C10orf90: variants seen among roughly 807,000 people sequenced by gnomAD.
The protein encoded by C10orf90 is (E2-independent) E3 ubiquitin-conjugating enzyme FATS.
C10orf90 carries 56 observed loss-of-function variants against 62.5 expected under a neutral mutation model. That is an observed-to-expected ratio of 0.90 (90% confidence interval 0.72 to 1.12). C10orf90 has a LOEUF of 1.12. C10orf90 is among the 50% of genes most tolerant of loss of function. C10orf90 has a pLI of 0.00. For synonymous variants in C10orf90, 386 were observed against 340.4 expected, an observed-to-expected ratio of 1.13 and a Z score of -1.47; for missense variants, 970 against 880.4, an observed-to-expected ratio of 1.10 and a Z score of -1.29.
At chr10:126,505,906 A>G (rs540003639) in intron 3 of C10orf90, among the ~76,000 whole-genome samples, 1 of 152,316 alleles carries the variant, frequency 6.6e-6, no homozygotes, top group African/African-American at 2.4e-5. Flanking sequence ...GTGAGCCAAG[A>G]TTGTGCCATT....
chr10:126,465,063 G>T, intron 4 of C10orf90, 77 bp from the exon 5 acceptor site: 1 of 1,473,126 alleles, frequency 6.8e-7, no homozygotes. Context: ...CGCACATGGT[G>T]CTTTTCTCGG....
chr10:126,566,499 C>T (rs1024767665), intron 2 of C10orf90, among the ~76,000 whole-genome samples: 1 of 152,164 alleles, frequency 6.6e-6, no homozygotes, highest in African/African-American at 2.4e-5. Context: ...GATACTGGGG[C>T]AGCCTTGCTG....
At chr10:126,488,963 G>T (rs1861576216) in intron 4 of C10orf90, among the ~76,000 whole-genome samples, 1 of 151,988 alleles carries the variant, frequency 6.6e-6, no homozygotes, top group Non-Finnish European at 1.5e-5. Flanking sequence ...ACTTACAGAA[G>T]AAATAGTTCC....
chr10:126,593,673 A>C (rs976151410), intron 2 of C10orf90, among the ~76,000 whole-genome samples: 4 of 152,200 alleles, frequency 2.6e-5, no homozygotes, highest in African/African-American at 9.7e-5. Flanking sequence ...ACAAACCTGC[A>C]CATGTGCCCC....
At chr10:126,549,511 C>T (rs1864579861) in intron 2 of C10orf90, among the ~76,000 whole-genome samples, 1 of 152,164 alleles carries the variant, frequency 6.6e-6, no homozygotes, top group Non-Finnish European at 1.5e-5. Context: ...ATAGTGACAA[C>T]ACCAAATTCT....
intron 7 of C10orf90, among the ~76,000 whole-genome samples, chr10:126,452,654 C>T (rs969926897): frequency 3.3e-5 from 5 of 152,166 alleles, no homozygotes; most frequent in African/African-American, 1.2e-4. Flanking sequence ...AAATCCACTT[C>T]TAATCAATAG....
chr10:126,514,625 T>C (rs1382902958), intron 2 of C10orf90, among the ~76,000 whole-genome samples: 1 of 152,212 alleles, frequency 6.6e-6, no homozygotes, highest in African/African-American at 2.4e-5. Flanking sequence ...CTATTCTGCC[T>C]GAATTCCTCA....
At chr10:126,533,451 C>G (rs1158154658) in intron 2 of C10orf90, among the ~76,000 whole-genome samples, 1 of 152,210 alleles carries the variant, frequency 6.6e-6, no homozygotes, top group Admixed American at 6.5e-5. Flanking sequence ...TCAAGGAAAT[C>G]TGTCTTATCA....
chr10:126,436,157 T>C (rs1036968658), intron 7 of C10orf90, among the ~76,000 whole-genome samples: 1 of 152,154 alleles, frequency 6.6e-6, no homozygotes, highest in African/African-American at 2.4e-5. Context: ...GATCAGAGAC[T>C]CTCAAACTAA....
At chr10:126,569,233 T>G (rs1844456392) in intron 2 of C10orf90, among the ~76,000 whole-genome samples, 1 of 152,194 alleles carries the variant, frequency 6.6e-6, no homozygotes, top group South Asian at 2.1e-4. Context: ...CTATGATTCC[T>G]GAGGGCTCTG....
intron 2 of C10orf90, among the ~76,000 whole-genome samples, chr10:126,539,219 A>G (rs1864317306): frequency 1.3e-5 from 2 of 152,234 alleles, no homozygotes; most frequent in African/African-American, 4.8e-5. Context: ...CATTTGAATT[A>G]GCGCCTTTAG....
intron 4 of C10orf90, among the ~76,000 whole-genome samples, chr10:126,467,586 G>A (rs896221457): frequency 3.9e-5 from 6 of 152,112 alleles, no homozygotes; most frequent in Admixed American, 6.5e-5. Flanking sequence ...TTCACTGGAC[G>A]GGCGCTTAAA....
intron 4 of C10orf90, among the ~76,000 whole-genome samples, chr10:126,490,100 A>ATGT (rs1861679594): frequency 3.1e-5 from 4 of 128,400 alleles, no homozygotes; most frequent in East Asian, 2.0e-4. Flanking sequence ...TATAATATAT[A>ATGT]ATATATATGT....
chr10:126,464,701 G>A lies in C10orf90; in HGVS notation c.1820C>T (p.Pro607Leu). The change falls in exon 5 of 10, where the codon CCC becomes CTC. Residue 607 changes from proline (P) to leucine (L), a missense_variant. Coordinates refer to ENST00000488181, the MANE Select transcript of C10orf90 (RefSeq NM_001350921.2). ...CCACCACCCTCGCTCCTTACCTTTGGGGAACTTGCTTTCTATCTGAACACC... is the reference window on the plus strand; with the variant it reads ...CCACCACCCTCGCTCCTTACCTTTGAGGAACTTGCTTTCTATCTGAACACC... Reference protein sequence around the residue: ...DNGVQIESKFPKGDYTCCDLV... With the variant: ...DNGVQIESKFLKGDYTCCDLV... The A allele has an allele frequency of 6.2e-7, 1 of 1,606,274 alleles. No homozygotes were observed. The highest frequency in any genetic ancestry group is 8.5e-7 in the Non-Finnish European group (1 of 1,174,210).
chr10:126,453,083 G>T lies in C10orf90; in HGVS notation c.2188+5957C>A, dbSNP rs1261611241. Among the ~76,000 whole-genome samples the T allele has an allele frequency of 6.6e-6, 1 of 152,144 alleles. No homozygotes were observed. The highest frequency in any genetic ancestry group is 6.5e-5 in the Admixed American group (1 of 15,280). The stretch of plus-strand genomic sequence containing the variant: ...GGAATCCAAATTAATTTTAATACTT[G>T]CTCCAACCAAGAATCATCAGGGAAA... On this transcript the variant is annotated intron_variant, in intron 7 of 9. Transcript: ENST00000488181. The surrounding 1 kb of genome is among the most constrained non-coding windows in gnomAD (Gnocchi z 4.9).
chr10:126,502,238 C>T (rs1378313745), intron 4 of C10orf90, among the ~76,000 whole-genome samples: 2 of 152,184 alleles, frequency 1.3e-5, no homozygotes, highest in African/African-American at 4.8e-5. Context: ...ACCACTTGTA[C>T]TCCCAAAGCT....
At chr10:126,517,286 CA>C (rs1863484387) in intron 2 of C10orf90, among the ~76,000 whole-genome samples, 1 of 152,244 alleles carries the variant, frequency 6.6e-6, no homozygotes, top group African/African-American at 2.4e-5. Flanking sequence ...ATGACTGCAA[CA>C]TTTAAAAAGT....
At chr10:126,508,775 C>T (rs994374393) in intron 3 of C10orf90, among the ~76,000 whole-genome samples, 6 of 152,086 alleles carry the variant, frequency 3.9e-5, no homozygotes, top group South Asian at 2.1e-4. Flanking sequence ...GGTTCTCGGG[C>T]GGGGGCCTCC....
At chr10:126,566,695 C>T (rs1412383093) in intron 2 of C10orf90, among the ~76,000 whole-genome samples, 1 of 152,174 alleles carries the variant, frequency 6.6e-6, no homozygotes, top group African/African-American at 2.4e-5. Context: ...GAGCTGGTGC[C>T]TGTGGGGCAG....
Sources: gnomAD v4.1 joint callset for allele counts (sites outside exome capture counted in the v4.1 genomes callset) on GRCh38, gnomAD v4.1.1 for gene constraint, Gnocchi (gnomAD v3.1) non-coding constraint, MANE v1.5 for transcripts, NCBI Gene and HGNC (gene_info 2026-07-23, HGNC 2026-07-21) for gene names.